Variants in TMEM132D observed in about 807,000 individuals in gnomAD.
The protein encoded by TMEM132D is mature OL transmembrane protein.
Under a neutral mutation model 62.3 loss-of-function variants are expected in TMEM132D, and 21 were observed. The ratio of observed to expected loss-of-function variants is 0.34; its 90% CI spans 0.24 to 0.49. The LOEUF is 0.49. Ranked by LOEUF, TMEM132D falls within the 20% of genes least tolerant of loss-of-function variation. The pLI is 0.99. For synonymous variants in TMEM132D, 621 were observed against 575.6 expected, an observed-to-expected ratio of 1.08 and a Z score of -1.13; for missense variants, 1,346 against 1,402.8, an observed-to-expected ratio of 0.96 and a Z score of 0.65.
Position 129,277,690 on chromosome 12 carries a change from T to A in TMEM132D, c.1299+59944A>T, listed in dbSNP as rs1881037650. ...TCTCAATTTTTTAAATTGCCCGTAT[T>A]GTGTTTTTCTTATCAGAATCATATC... On this transcript the variant is annotated intron_variant, in intron 4 of 8. Transcript: ENST00000422113. The surrounding 1 kb of genome is among the most constrained non-coding windows in gnomAD (Gnocchi z 4.2). Among the ~76,000 whole-genome samples the A allele has an allele frequency of 1.3e-5, 2 of 152,224 alleles. No individual in the cohort carries two copies. The highest frequency in any genetic ancestry group is 1.3e-4 in the Admixed American group (2 of 15,286).
At position 129,361,546 on chromosome 12, in the gene TMEM132D, A is replaced by G. The variant is rs561145657; in HGVS notation, c.1116-23729T>C. 5.3e-5 allele frequency among the ~76,000 whole-genome samples: 8 copies of G among 152,328 alleles called. No individual in the cohort carries two copies. In the East Asian group the frequency reaches 1.5e-3, roughly 29 times the overall value. On this transcript the variant is annotated intron_variant, in intron 3 of 8. Coordinates refer to ENST00000422113, the MANE Select transcript of TMEM132D (RefSeq NM_133448.3). ...CTTGTATCTTAGTATGAGTTATGGA[A>G]TGTGCCACTGACATAAAGTCAGGCC...
intron 4 of TMEM132D, among the ~76,000 whole-genome samples, chr12:129,281,426 T>A (rs201460196): frequency 0.047 from 6,698 of 142,334 alleles, 237 homozygotes; most frequent in East Asian, 0.2. Context: ...TTCTTTTTTT[T>A]TTAAAAAAAA....
rs1299355042 is a variant in TMEM132D at position 129,652,694 on chromosome 12, G to C, written c.968+47116C>G. ...GAGACTCCAGAAAAAATGCAGTTCT[G>C]CCAACACCTTGACTTAGTCCAGTGA... On this transcript the variant is annotated intron_variant, in intron 2 of 8. Coordinates refer to ENST00000422113, the MANE Select transcript of TMEM132D (RefSeq NM_133448.3). Among the ~76,000 whole-genome samples the C allele has an allele frequency of 3.9e-5, 6 of 152,184 alleles. No individual in the cohort carries two copies. In the East Asian group the frequency reaches 1.2e-3, roughly 29 times the overall value.
At chr12:129,496,441 C>T (rs1179568626) in intron 3 of TMEM132D, among the ~76,000 whole-genome samples, 2 of 152,004 alleles carry the variant, frequency 1.3e-5, no homozygotes, top group African/African-American at 4.8e-5. Flanking sequence ...GCTGCGACCC[C>T]CTGATGTCTA....
intron 3 of TMEM132D, among the ~76,000 whole-genome samples, chr12:129,496,297 C>T (rs537319041): frequency 6.6e-6 from 1 of 152,286 alleles, no homozygotes; most frequent in South Asian, 2.1e-4. Flanking sequence ...ACAGAAATTA[C>T]TAAGCACCTT....
At chr12:129,271,528 T>G (rs545867663) in intron 4 of TMEM132D, among the ~76,000 whole-genome samples, 1 of 151,634 alleles carries the variant, frequency 6.6e-6, no homozygotes, top group Non-Finnish European at 1.5e-5. Flanking sequence ...TCCACATGCA[T>G]TAGGTATTTG....
chr12:129,497,664 TTTTG>T (rs1875000623), intron 3 of TMEM132D, among the ~76,000 whole-genome samples: 1 of 152,104 alleles, frequency 6.6e-6, no homozygotes, highest in African/African-American at 2.4e-5. Flanking sequence ...TGTTATTTGA[TTTTG>T]TTTTTTTTTT....
chr12:129,354,600 G>A (rs1216254162), intron 3 of TMEM132D, among the ~76,000 whole-genome samples: 1 of 152,108 alleles, frequency 6.6e-6, no homozygotes, highest in Non-Finnish European at 1.5e-5. Flanking sequence ...GGGATTACAG[G>A]CGTGAGCCAC....
intron 5 of TMEM132D, among the ~76,000 whole-genome samples, chr12:129,112,424 G>A (rs1875746312): frequency 6.6e-6 from 1 of 152,234 alleles, no homozygotes; most frequent in African/African-American, 2.4e-5. Context: ...CACTTTGGGA[G>A]GCCAAGGCGG....
intron 5 of TMEM132D, among the ~76,000 whole-genome samples, chr12:129,182,886 C>G (rs936882639): frequency 6.6e-6 from 1 of 152,198 alleles, no homozygotes; most frequent in Non-Finnish European, 1.5e-5. Flanking sequence ...CGTGAGTTGA[C>G]TGAGGCTCCT....
intron 1 of TMEM132D, among the ~76,000 whole-genome samples, chr12:129,902,629 T>A (rs1875396406): frequency 6.6e-6 from 1 of 152,170 alleles, no homozygotes; most frequent in Non-Finnish European, 1.5e-5. Context: ...AAACTCCACG[T>A]GCACCCTGCG....
At chr12:129,583,878 G>GA (rs1415677863) in intron 2 of TMEM132D, among the ~76,000 whole-genome samples, 9 of 152,008 alleles carry the variant, frequency 5.9e-5, no homozygotes, top group Non-Finnish European at 1.3e-4. Flanking sequence ...GGACCAAAGG[G>GA]AAAAAAGGTA....
At chr12:129,847,236 C>G (rs1190278665) in intron 1 of TMEM132D, among the ~76,000 whole-genome samples, 1 of 152,182 alleles carries the variant, frequency 6.6e-6, no homozygotes, top group African/African-American at 2.4e-5. Context: ...TCTTCCTGGG[C>G]AGGTCCTGAA....
chr12:129,356,985 G>A (rs115473807), intron 3 of TMEM132D, among the ~76,000 whole-genome samples: 11,798 of 149,696 alleles, frequency 0.079, 653 homozygotes, highest in African/African-American at 0.14. Flanking sequence ...GATGGCTCAC[G>A]TCTGTAATCC....
intron 1 of TMEM132D, among the ~76,000 whole-genome samples, chr12:129,881,753 C>G (rs1036675508): frequency 2.0e-5 from 3 of 151,664 alleles, no homozygotes; most frequent in Non-Finnish European, 2.9e-5. Flanking sequence ...GAAAATTAAA[C>G]TCAAAGTCAC....
chr12:129,880,738 C>A lies in TMEM132D; in HGVS notation c.79+22523G>T, dbSNP rs552572240. On this transcript the variant is annotated intron_variant, in intron 1 of 8. Transcript: ENST00000422113. ...GAATTTTTTAAAAGATAAATAATAA[C>A]CCATTAGTAGAGATAAAATAGAGTT... Among the ~76,000 whole-genome samples, 6 of 150,046 alleles carry A rather than the reference C, an allele frequency of 4.0e-5. No individual in the cohort carries two copies. In the South Asian group the frequency reaches 6.2e-4, roughly 16 times the overall value.
chr12:129,077,706 C>T (rs1874313813), intron 8 of TMEM132D, among the ~76,000 whole-genome samples: 1 of 151,950 alleles, frequency 6.6e-6, no homozygotes. Context: ...CACACATATG[C>T]ACACATACAA....
chr12:129,522,073 C>G (rs1282944241), intron 3 of TMEM132D, among the ~76,000 whole-genome samples: 2 of 152,252 alleles, frequency 1.3e-5, no homozygotes, highest in East Asian at 3.9e-4. Context: ...AAGTAGGAAT[C>G]TAAAGTCATA....
chr12:129,084,825 A>G (rs2135620374), intron 5 of TMEM132D, 123 bp from the exon 6 acceptor site: 1 of 810,010 alleles, frequency 1.2e-6, no homozygotes. Context: ...TCCCCTTACT[A>G]TGGGGGAGGA....
Sources: gnomAD v4.1 joint callset for allele counts (sites outside exome capture counted in the v4.1 genomes callset) on GRCh38, gnomAD v4.1.1 for gene constraint, Gnocchi (gnomAD v3.1) non-coding constraint, MANE v1.5 for transcripts, NCBI Gene and HGNC (gene_info 2026-07-23, HGNC 2026-07-21) for gene names.